ZNF543: variants seen among roughly 807,000 people sequenced by gnomAD.
ZNF543 encodes zinc finger protein 543.
A neutral mutation model predicts 13.4 loss-of-function variants in ZNF543; 10 were observed. The observed-to-expected ratio is 0.75, with a 90% CI of 0.46 to 1.26. The LOEUF (loss-of-function observed/expected upper bound fraction) is 1.26, where lower values mean the gene tolerates loss of function less well. Ranked by LOEUF, ZNF543 falls within the 50% of genes most tolerant of loss-of-function variation. The probability of loss-of-function intolerance (pLI) is 0.00; values close to 1 mark genes in which losing one functional copy is unlikely to be tolerated. For synonymous variants in ZNF543, 272 were observed against 264.7 expected (o/e 1.03, Z -0.27); for missense variants, 768 against 741.2 (o/e 1.04, Z -0.42).
intron 2 of ZNF543, 152 bp downstream of exon 2, chr19:57,323,960 T>A (rs1360270581): frequency 1.1e-6 from 1 of 919,016 alleles, no homozygotes; most frequent in Non-Finnish European, 1.6e-6. Flanking sequence ...GAGACCAGGG[T>A]CTGGTGTCCA....
chr19:57,328,605 C>T lies in ZNF543; in HGVS notation c.1143C>T (p.Asp381=), dbSNP rs200223830. 7 of 1,609,300 alleles carry T rather than the reference C, an allele frequency of 4.3e-6. No individual in the cohort carries two copies. Among genetic ancestry groups the T allele is most frequent in the Non-Finnish European group, 5.9e-6 (7 of 1,178,528 alleles). The change falls in exon 4 of 4, where the codon GAC becomes GAT. Residue 381 remains aspartate (D), a synonymous_variant. Transcript: ENST00000321545. The part of the protein sequence containing the change: ...ECGKAFCESA[D]LIQHYIIHTG... ...GAAAAGCTTTTTGCGAGAGTGCAGA[C>T]CTCATTCAACACTACATTATCCACA... is the stretch of plus-strand genomic sequence containing the variant.
In ZNF543 at chr19:57,323,804, T is replaced by G; in HGVS notation, c.141T>G (p.Ser47=). Residue 47 remains serine (S), a synonymous_variant, in exon 2 of 4, where the codon TCT becomes TCG. Coordinates refer to ENST00000321545, the MANE Select transcript of ZNF543 (RefSeq NM_213598.4). The part of the protein sequence containing the change: ...VMLETCGLLM[S]LGCPLFKPEL... ...TGGAGACCTGCGGACTTCTCATGTC[T>G]CTGGGTAAGGCCCCTTCTGGTCCTG... is the stretch of plus-strand genomic sequence containing the variant. The G allele has an allele frequency of 6.2e-7, 1 of 1,612,398 alleles. No individual in the cohort carries two copies. The highest frequency in any genetic ancestry group is 8.5e-7 in the Non-Finnish European group (1 of 1,178,878).
chr19:57,325,665 C>G (rs1457727304), intron 2 of ZNF543, among the ~76,000 whole-genome samples: 1 of 152,132 alleles, frequency 6.6e-6, no homozygotes, highest in Non-Finnish European at 1.5e-5. Context: ...GATCCTCCCA[C>G]CTCAGTCTCC....
chr19:57,324,316 A>G (rs998269499), intron 2 of ZNF543, among the ~76,000 whole-genome samples: 3 of 146,250 alleles, frequency 2.1e-5, no homozygotes, highest in African/African-American at 7.7e-5. Context: ...TCATCACTAC[A>G]CTCCAGCCCA....
rs576600060 is a variant in ZNF543 at position 57,320,599 on chromosome 19, C to T, written c.-255C>T. The stretch of plus-strand genomic sequence containing the variant: ...AGGCTGTTACGCGCCTTCTCCGCAT[C>T]TTGGCGGGAGCCTGACGCCCCGCTT... On this transcript the variant is annotated 5_prime_UTR_variant, in exon 1 of 4. Coordinates refer to ENST00000321545, the MANE Select transcript of ZNF543 (RefSeq NM_213598.4). 6 of 527,120 alleles carry T rather than the reference C, an allele frequency of 1.1e-5. No individual in the cohort carries two copies. In the Admixed American group the frequency reaches 1.7e-4, roughly 15 times the overall value. The allele number at this position is 527,120 out of a possible 1,614,324, so 32.7% of individuals were successfully genotyped here. A position where few individuals can be genotyped will look rare whatever the true frequency, so the allele number is the denominator to read the frequency against.
At chr19:57,323,403 A>G (rs1221176030) in intron 1 of ZNF543, among the ~76,000 whole-genome samples, 1 of 151,952 alleles carries the variant, frequency 6.6e-6, no homozygotes, top group Non-Finnish European at 1.5e-5. Context: ...CATGTTAGCC[A>G]GGATGGTCTC....
At position 57,330,565 on chromosome 19, in the gene ZNF543, C is replaced by T. The variant is rs2088156932; in HGVS notation, c.*1300C>T. The T allele has an allele frequency of 6.6e-6, 1 of 152,080 alleles. No individual in the cohort carries two copies. The highest frequency in any genetic ancestry group is 2.4e-5 in the African/African-American group (1 of 41,410). 9.4% of individuals were successfully genotyped at this position (152,080 alleles called of 1,614,324 possible). On this transcript the variant is annotated 3_prime_UTR_variant, in exon 4 of 4. Transcript: ENST00000321545. Reference sequence around the variant, plus strand: ...AAATTCACTTTAACTGGAATTTTAACAGGCAAGCCGGCATGCATATATGTA... The same window carrying T: ...AAATTCACTTTAACTGGAATTTTAATAGGCAAGCCGGCATGCATATATGTA...
At position 57,329,120 on chromosome 19, in the gene ZNF543, A is replaced by G. The variant is rs1377098465; in HGVS notation, c.1658A>G (p.His553Arg). ...AATCGCGGCTCATCCCTCACACATC[A>G]TCAAAGGATTCATACTGGGAGAAAC... ...AFNRGSSLTH[H>R]QRIHTGRNPT... The change falls in exon 4 of 4, where the codon CAT (histidine) becomes CGT (arginine). Residue 553 changes from histidine to arginine, a missense_variant. Around this residue, in one of 3 missense-constraint regions of ZNF543, gnomAD observed 677 missense variants for 631.4 expected, o/e 1.07. Transcript: ENST00000321545. 6 of 1,614,112 alleles carry G rather than the reference A, an allele frequency of 3.7e-6. No homozygotes were observed. Among genetic ancestry groups the G allele is most frequent in the Non-Finnish European group, 5.1e-6 (6 of 1,180,040 alleles).
chr19:57,322,842 G>A (rs1243469223), intron 1 of ZNF543, among the ~76,000 whole-genome samples: 3 of 152,148 alleles, frequency 2.0e-5, no homozygotes, highest in African/African-American at 7.2e-5. Context: ...CTGGACATCA[G>A]GGCTCAGATA....
rs990612910 is a variant in ZNF543, at chr19:57,320,778, G to A, written c.-76G>A. The A allele has an allele frequency of 7.5e-6, 12 of 1,594,718 alleles. No homozygotes were observed. The highest frequency in any genetic ancestry group is 3.3e-5 in the South Asian group (3 of 89,900). ...TGCGAAAGTCAGCCGAGGTCGCCCC[G>A]CCCAGGACAGAGAAGGGCTGGGGGT... On this transcript the variant is annotated 5_prime_UTR_variant, in exon 1 of 4. Transcript: ENST00000321545.
Position 57,328,390 on chromosome 19 carries a change from C to T in ZNF543, c.928C>T (p.Pro310Ser), listed in dbSNP as rs755747650. The T allele has an allele frequency of 6.2e-7, 1 of 1,613,782 alleles. No individual in the cohort carries two copies. Among genetic ancestry groups the T allele is most frequent in the South Asian group, 1.1e-5 (1 of 91,070 alleles). Residue 310 changes from proline (P) to serine (S), a missense_variant, in exon 4 of 4, where the codon CCC (proline) becomes TCC (serine). This residue lies in a region of ZNF543 where 677 missense variants were observed against 631.4 expected (regional missense o/e 1.07). Coordinates refer to ENST00000321545, the MANE Select transcript of ZNF543 (RefSeq NM_213598.4). ...TCACAGGAGCCACACTGGAGAAAAA[C>T]CCTTTGTGTGCAAAGAGTGTGGCAA... ...LHHRSHTGEK[P>S]FVCKECGKAF...
chr19:57,320,635 G>C lies in ZNF543; in HGVS notation c.-219G>C, dbSNP rs2088083875. 1 of 551,074 alleles carries C rather than the reference G, an allele frequency of 1.8e-6. No individual in the cohort carries two copies. Among genetic ancestry groups the C allele is most frequent in the Non-Finnish European group, 3.2e-6 (1 of 312,736 alleles). The allele number at this position is 551,074 out of a possible 1,614,324, so 34.1% of individuals were successfully genotyped here. A position where few individuals can be genotyped will look rare whatever the true frequency, so the allele number is the denominator to read the frequency against. Reference sequence around the variant, plus strand: ...CCTGACGCCCCGCTTCTTCCCTAACGGGGTGTTCCACCGGCGCCTGCCGAG... The same window carrying C: ...CCTGACGCCCCGCTTCTTCCCTAACCGGGTGTTCCACCGGCGCCTGCCGAG... On this transcript the variant is annotated 5_prime_UTR_variant, in exon 1 of 4. Transcript: ENST00000321545.
intron 2 of ZNF543, 117 bp from the exon 3 acceptor site, chr19:57,326,516 C>T: frequency 8.1e-6 from 6 of 737,156 alleles, no homozygotes; most frequent in Non-Finnish European, 1.1e-5. Flanking sequence ...GTTTTCTTTG[C>T]TTGGCTGAGA....
chr19:57,329,423 C>T lies in ZNF543; in HGVS notation c.*158C>T, dbSNP rs890026218. The stretch of plus-strand genomic sequence containing the variant: ...CTTATTCTCCACCTGAGAATTCACC[C>T]ATGAGAGAGACCCAGTGGTTGCTAT... On this transcript the variant is annotated 3_prime_UTR_variant, in exon 4 of 4. Coordinates refer to ENST00000321545, the MANE Select transcript of ZNF543 (RefSeq NM_213598.4). The T allele has an allele frequency of 6.2e-6, 6 of 972,498 alleles. No individual in the cohort carries two copies. The highest frequency in any genetic ancestry group is 1.8e-5 in the South Asian group (1 of 55,360). The allele number at this position is 972,498 out of a possible 1,614,324, so 60.2% of individuals were successfully genotyped here. A position where few individuals can be genotyped will look rare whatever the true frequency, so the allele number is the denominator to read the frequency against.
chr19:57,323,526 A>G (rs1600051308), intron 1 of ZNF543, 156 bp from the exon 2 acceptor site: 1 of 990,580 alleles, frequency 1.0e-6, no homozygotes, highest in South Asian at 1.3e-5. Flanking sequence ...CAATGTCCAC[A>G]TTCCCCTCAT....
chr19:57,322,821 G>A (rs949422207), intron 1 of ZNF543, among the ~76,000 whole-genome samples: 2 of 152,140 alleles, frequency 1.3e-5, no homozygotes, highest in African/African-American at 4.8e-5. Flanking sequence ...GGAAAACCCT[G>A]TTGTGTTGAC....
At chr19:57,324,042 C>A (rs918505632) in intron 2 of ZNF543, among the ~76,000 whole-genome samples, 1 of 152,078 alleles carries the variant, frequency 6.6e-6, no homozygotes, top group Non-Finnish European at 1.5e-5. Flanking sequence ...CTCTGTGCCT[C>A]AGTTTTTCTC....
intron 1 of ZNF543, among the ~76,000 whole-genome samples, chr19:57,321,746 G>A (rs566158281): frequency 6.6e-6 from 1 of 152,294 alleles, no homozygotes; most frequent in East Asian, 1.9e-4. Context: ...CACAGCCTGT[G>A]TTTTTACCCT....
At position 57,327,992 on chromosome 19, in the gene ZNF543, A is replaced by ATC. The variant is rs1359166308; in HGVS notation, c.534_535dup (p.Tyr179SerfsTer14). 1 of 1,614,188 alleles carries ATC rather than the reference A, an allele frequency of 6.2e-7. No homozygotes were observed. Among genetic ancestry groups the ATC allele is most frequent in the Admixed American group, 1.7e-5 (1 of 60,018 alleles). ...CAGAAACAAGTTTCAACAGAAGGTG[A>ATC]TCTCTATGAATGTGATTCACATGGA... On this transcript the variant is annotated frameshift_variant, in exon 4 of 4. Coordinates refer to ENST00000321545, the MANE Select transcript of ZNF543 (RefSeq NM_213598.4). LOFTEE classifies it low-confidence loss of function (END_TRUNC).
Sources: gnomAD v4.1 joint callset for allele counts (sites outside exome capture counted in the v4.1 genomes callset) on GRCh38, gnomAD v4.1.1 for gene constraint, gnomAD v4.1.1 regional missense constraint, MANE v1.5 for transcripts, NCBI Gene and HGNC (gene_info 2026-07-23, HGNC 2026-07-21) for gene names.